The following NLRP14 variants were observed in gnomAD, a reference collection of about 807,000 sequenced individuals.
NLRP14 encodes the protein NACHT, LRR and PYD domains-containing protein 14.
A neutral mutation model predicts 94.7 loss-of-function variants in NLRP14; 105 were observed. That is an observed-to-expected ratio of 1.11 (90% CI 0.95 to 1.30). The LOEUF (loss-of-function observed/expected upper bound fraction) is 1.30, where lower values mean the gene tolerates loss of function less well. Among genes scored for constraint, NLRP14 ranks in the 50% most tolerant of loss-of-function variants. The pLI, the probability that NLRP14 is intolerant of heterozygous loss-of-function variation, is 0.00. For missense variants in NLRP14, 1,362 were observed against 1,254.1 expected (o/e 1.09, Z -1.30); for synonymous variants, 508 against 459.9 (o/e 1.10, Z -1.34).
chr11:7,060,729 A>G (rs1314897711), intron 9 of NLRP14, among the ~76,000 whole-genome samples: 2 of 152,048 alleles, frequency 1.3e-5, no homozygotes, highest in South Asian at 2.1e-4. Flanking sequence ...TTCTCACTCT[A>G]TGAGCAGATT....
intron 4 of NLRP14, among the ~76,000 whole-genome samples, chr11:7,044,395 C>T (rs764676557): frequency 2.6e-5 from 4 of 152,106 alleles, no homozygotes; most frequent in African/African-American, 7.2e-5. Flanking sequence ...AAATTTTCTG[C>T]TGAACCTGGT....
intron 6 of NLRP14, among the ~76,000 whole-genome samples, chr11:7,056,717 G>A (rs1473961930): frequency 1.3e-5 from 2 of 151,790 alleles, no homozygotes; most frequent in African/African-American, 4.8e-5. Context: ...CAACCTAAAT[G>A]TCCATCAAAA....
intron 1 of NLRP14, among the ~76,000 whole-genome samples, chr11:7,025,904 C>A (rs1409735300): frequency 1.3e-5 from 2 of 152,018 alleles, no homozygotes; most frequent in Admixed American, 1.3e-4. Context: ...AACTACAATA[C>A]AATAAAATAA....
chr11:7,080,159 G>T, the NLRP14 span, among the ~76,000 whole-genome samples: 1 of 152,146 alleles, frequency 6.6e-6, no homozygotes, highest in Admixed American at 6.5e-5. Flanking sequence ...AACTGTTTAG[G>T]TATCCTGGGG....
chr11:7,028,408 C>T lies in NLRP14; in HGVS notation c.-22+7638C>T, dbSNP rs571989062. Reference sequence around the variant, plus strand: ...CTACTTTCAGCACCACGACTGCTACCGGCCTCGCCCTAGACATCATTTTCT... The same window carrying T: ...CTACTTTCAGCACCACGACTGCTACTGGCCTCGCCCTAGACATCATTTTCT... On this transcript the variant is annotated intron_variant, in intron 1 of 11. Transcript: ENST00000299481. Among the ~76,000 whole-genome samples, 29 of 152,230 alleles carry T rather than the reference C, an allele frequency of 1.9e-4. 1 individual carries two copies. The highest frequency in any genetic ancestry group is 6.3e-4 in the African/African-American group (26 of 41,546).
Position 7,023,824 on chromosome 11 carries a change from G to A in NLRP14, c.-22+3054G>A, listed in dbSNP as rs1447477277. ...TATGGGCATGTCTCACATGGTGGGA[G>A]AAGCAGCGAGAGAGGGAGAGTAGGG... On this transcript the variant is annotated intron_variant, in intron 1 of 11. Transcript: ENST00000299481. 2.0e-5 allele frequency among the ~76,000 whole-genome samples: 3 copies of A among 151,988 alleles called. No homozygotes were observed. The East Asian group carries it at 5.8e-4, about 29-fold the overall frequency.
rs78572085 is a variant in NLRP14, at chr11:7,042,751, G to A, written c.725G>A (p.Gly242Asp). 908 of 1,614,164 alleles carry A rather than the reference G, an allele frequency of 5.6e-4. 10 individuals are homozygous for A. The East Asian group carries it at 0.018, about 32-fold the overall frequency. Residue 242 changes from glycine to aspartate, a missense_variant, in exon 4 of 12, where the codon GGC becomes GAC. Coordinates refer to ENST00000299481, the MANE Select transcript of NLRP14 (RefSeq NM_176822.4). ...TCAAAGGACTGGCCCAGCACAGAAGGCCCCATTGAAGAAATCATGTACCAG... is the reference window on the plus strand; with the variant it reads ...TCAAAGGACTGGCCCAGCACAGAAGACCCCATTGAAGAAATCATGTACCAG... ...LISKDWPSTE[G>D]PIEEIMYQPS...
intron 4 of NLRP14, among the ~76,000 whole-genome samples, chr11:7,044,432 A>G (rs1305330550): frequency 6.6e-6 from 1 of 152,178 alleles, no homozygotes; most frequent in Non-Finnish European, 1.5e-5. Context: ...TCTGTATTAT[A>G]TTCCTCCGTA....
At chr11:7,023,493 A>G (rs992249467) in intron 1 of NLRP14, among the ~76,000 whole-genome samples, 1 of 142,920 alleles carries the variant, frequency 7.0e-6, no homozygotes, top group Non-Finnish European at 1.5e-5. Context: ...TATAAGTATA[A>G]ATATATAAAA....
chr11:7,058,435 C>G lies in NLRP14; in HGVS notation c.2618C>G (p.Thr873Ser), dbSNP rs1415668253. ...MSDALQHAQC[T>S]LKSLVLRRCH... is the part of the protein sequence containing the mutation. ...GATGCCCTGCAACATGCACAATGTA[C>G]TCTGAAGAGCCTTGTGTAAGTGTCT... The change falls in exon 8 of 12, where the codon ACT becomes AGT. Residue 873 changes from threonine (T) to serine (S), a missense_variant. Physicochemically the swap from Thr to Ser is moderately conservative, Grantham distance 58 (BLOSUM62 1). Transcript: ENST00000299481. The G allele has an allele frequency of 6.2e-7, 1 of 1,611,364 alleles. No individual in the cohort carries two copies.
the NLRP14 span, chr11:7,089,154 A>G: frequency 1.9e-6 from 3 of 1,614,026 alleles, no homozygotes; most frequent in South Asian, 3.3e-5. Flanking sequence ...GAAGCTGTTC[A>G]TTGGGGGCCT....
chr11:7,038,634 A>G lies in NLRP14; in HGVS notation c.48A>G (p.Leu16=), dbSNP rs138272571. 896 of 1,614,010 alleles carry G rather than the reference A, an allele frequency of 5.6e-4. 6 individuals are homozygous for G. The East Asian group carries it at 0.018, about 32-fold the overall frequency. The part of the protein sequence containing the change: ...SSSFFPDFGL[L]LYLEELNKEE... ...CTTTCTTTCCTGATTTTGGGCTGCT[A>G]TTGTATTTGGAGGAGCTAAACAAAG... The change falls in exon 2 of 12, where the codon CTA becomes CTG. Residue 16 remains leucine (L), a synonymous_variant. Transcript: ENST00000299481.
At chr11:7,070,503 G>T in intron 11 of NLRP14, 47 bp downstream of exon 11, 1 of 1,378,622 alleles carries the variant, frequency 7.3e-7, no homozygotes, top group East Asian at 2.3e-5. Flanking sequence ...TATAATGAGG[G>T]ATTTGGGGAG....
chr11:7,020,929 T>C (rs549961576), intron 1 of NLRP14, among the ~76,000 whole-genome samples, 159 bp downstream of exon 1: 17 of 152,328 alleles, frequency 1.1e-4, no homozygotes, highest in African/African-American at 4.1e-4. Context: ...AATGAAGCCA[T>C]GAGAAGGAGC....
intron 6 of NLRP14, among the ~76,000 whole-genome samples, chr11:7,055,876 G>T (rs1010114687): frequency 1.2e-4 from 19 of 152,032 alleles, no homozygotes; most frequent in African/African-American, 4.1e-4. Context: ...GGAAATTTTT[G>T]CCAAGGATGT....
At position 7,060,079 on chromosome 11, in the gene NLRP14, G is replaced by C; in HGVS notation, c.2804+15G>C. 1 of 1,610,100 alleles carries C rather than the reference G, an allele frequency of 6.2e-7. No individual in the cohort carries two copies. The highest frequency in any genetic ancestry group is 8.5e-7 in the Non-Finnish European group (1 of 1,176,714). ...CAGGACTTGGAGTAGGTTTTCTGTT[G>C]CTTTACTTTTGTGTAGTTTCAACAA... On this transcript the variant is annotated intron_variant, in intron 9 of 11. Coordinates refer to ENST00000299481, the MANE Select transcript of NLRP14 (RefSeq NM_176822.4).
In NLRP14 at chr11:7,059,923, G is replaced by T; in HGVS notation, c.2663G>T (p.Ser888Ile). 6.2e-7 allele frequency: 1 copy of T among 1,612,148 alleles called. No individual in the cohort carries two copies. Among genetic ancestry groups the T allele is most frequent in the East Asian group, 2.2e-5 (1 of 44,856 alleles). The change falls in exon 9 of 12, where the codon AGC (serine) becomes ATC (isoleucine). Residue 888 changes from serine (S) to isoleucine (I), a missense_variant. Ser to Ile is a moderately radical substitution (Grantham distance 142). Coordinates refer to ENST00000299481, the MANE Select transcript of NLRP14 (RefSeq NM_176822.4). ...VLRRCHFTSLSSEYLSTSLLH... is the reference protein window; with the variant it reads ...VLRRCHFTSLISEYLSTSLLH... The stretch of plus-strand genomic sequence containing the variant: ...AGGCGTTGCCATTTCACTTCACTTA[G>T]CAGTGAATATCTGTCAACTTCTCTT...
chr11:7,083,877 CT>C, the NLRP14 span, among the ~76,000 whole-genome samples: 683 of 152,268 alleles, frequency 4.5e-3, 22 homozygotes, highest in East Asian at 0.061. Flanking sequence ...ACTGATTTTC[CT>C]ATGGGTATGC....
In NLRP14 at chr11:7,046,789, C is replaced by T. The variant is rs1344075541; in HGVS notation, c.2080C>T (p.His694Tyr). 1.9e-6 allele frequency: 3 copies of T among 1,613,614 alleles called. No homozygotes were observed. Among genetic ancestry groups the T allele is most frequent in the Non-Finnish European group, 1.7e-6 (2 of 1,179,552 alleles). Residue 694 changes from histidine (H) to tyrosine (Y), a missense_variant, in exon 5 of 12, where the codon CAT becomes TAT. Physicochemically the swap from His to Tyr is moderately conservative, Grantham distance 83 (BLOSUM62 2). Transcript: ENST00000299481. ...NLDKSAMNIL[H>Y]HELRHPNCKL... ...TGATAAATCAGCAATGAATATCCTG[C>T]ATCATGAACTAAGGCACCCAAACTG...
Sources: allele counts gnomAD v4.1 joint callset (sites outside exome capture counted in the v4.1 genomes callset), GRCh38; gene constraint gnomAD v4.1.1; transcripts MANE v1.5; gene names NCBI Gene and HGNC (gene_info 2026-07-23, HGNC 2026-07-21).